WARS2: variants seen among roughly 807,000 people sequenced by gnomAD.
The protein encoded by WARS2 is tryptophanyl tRNA synthetase 2, mitochondrial, also known as tryptophan--tRNA ligase, mitochondrial.
In WARS2, 28 loss-of-function variants were observed where a neutral mutation model predicts 36.5. That is an observed-to-expected ratio of 0.77 (90% confidence interval 0.57 to 1.05). WARS2 has a LOEUF of 1.05. WARS2 is among the 50% of genes least tolerant of loss of function. The pLI is 0.00. For synonymous variants in WARS2, 174 were observed against 178.4 expected (o/e 0.98, Z 0.20); for missense variants, 435 against 456.8 (o/e 0.95, Z 0.44).
At chr1:119,064,142 G>A (rs1453679902) in intron 2 of WARS2, 2 of 152,306 alleles carry the variant, frequency 1.3e-5, no homozygotes, top group Admixed American at 6.5e-5. Flanking sequence ...ACCTGAGTGT[G>A]AGACCTGGAG....
intron 1 of WARS2, among the ~76,000 whole-genome samples, chr1:119,137,393 G>C (rs1411828495): frequency 6.6e-6 from 1 of 152,094 alleles, no homozygotes; most frequent in Admixed American, 6.6e-5. Context: ...CTTAGCGATA[G>C]TTAACAGCAA....
intron 1 of WARS2, among the ~76,000 whole-genome samples, chr1:119,111,850 G>C (rs1301133000): frequency 1.3e-5 from 2 of 152,020 alleles, no homozygotes; most frequent in Non-Finnish European, 1.5e-5. Flanking sequence ...TCCAATTTTG[G>C]GGGGCAGAAG....
intron 2 of WARS2, among the ~76,000 whole-genome samples, chr1:119,058,410 A>C (rs1381728742): frequency 1.4e-5 from 1 of 72,708 alleles, no homozygotes. Flanking sequence ...GCACCCACTA[A>C]ACTCGTCATC....
At chr1:119,133,072 G>A (rs1253671029) in intron 1 of WARS2, among the ~76,000 whole-genome samples, 2 of 152,174 alleles carry the variant, frequency 1.3e-5, no homozygotes, top group African/African-American at 4.8e-5. Flanking sequence ...TCCTCTACCT[G>A]CAGGGCTCTG....
chr1:119,047,402 G>A (rs931544135), intron 2 of WARS2: 1 of 152,090 alleles, frequency 6.6e-6, no homozygotes, highest in African/African-American at 2.4e-5. Flanking sequence ...GCTTAGCTTT[G>A]GTGATACGCA....
intron 1 of WARS2, among the ~76,000 whole-genome samples, chr1:119,100,524 A>G (rs1323717546): frequency 6.6e-6 from 1 of 152,266 alleles, no homozygotes; most frequent in Non-Finnish European, 1.5e-5. Flanking sequence ...ACAATAGCAA[A>G]GCTATGGAAT....
chr1:119,065,648 A>G (rs1341799725), intron 2 of WARS2, among the ~76,000 whole-genome samples: 1 of 151,388 alleles, frequency 6.6e-6, no homozygotes, highest in Admixed American at 6.6e-5. Context: ...AAAAAAAAAA[A>G]AAAGGAAATA....
At chr1:119,035,005 A>C (rs1360202369) in intron 4 of WARS2, among the ~76,000 whole-genome samples, 1 of 152,238 alleles carries the variant, frequency 6.6e-6, no homozygotes, top group African/African-American at 2.4e-5. Flanking sequence ...GAAAAGAACA[A>C]AGGAGACTTG....
At chr1:119,044,904 T>G (rs957094951) in intron 3 of WARS2, among the ~76,000 whole-genome samples, 1 of 152,220 alleles carries the variant, frequency 6.6e-6, no homozygotes, top group Admixed American at 6.5e-5. Context: ...CTTTATCTAT[T>G]TCTTTCTGTA....
At chr1:119,079,059 T>A (rs1055758676) in intron 1 of WARS2, among the ~76,000 whole-genome samples, 1 of 152,120 alleles carries the variant, frequency 6.6e-6, no homozygotes, top group East Asian at 1.9e-4. Flanking sequence ...TTTTTGCATA[T>A]GGTGTGAGGT....
intron 1 of WARS2, among the ~76,000 whole-genome samples, chr1:119,132,331 T>C (rs1359016458): frequency 1.3e-5 from 2 of 152,178 alleles, no homozygotes; most frequent in Non-Finnish European, 2.9e-5. Context: ...TTGCCAGCCA[T>C]GGGAAAAGCC....
intron 1 of WARS2, among the ~76,000 whole-genome samples, chr1:119,090,878 G>A (rs587746032): frequency 6.6e-6 from 1 of 152,236 alleles, no homozygotes; most frequent in South Asian, 2.1e-4. Context: ...CTGGGCAACA[G>A]AGCAAGATCC....
intron 1 of WARS2, 60 bp from the exon 2 acceptor site, chr1:119,076,667 C>G: frequency 6.3e-7 from 1 of 1,596,508 alleles, no homozygotes; most frequent in Non-Finnish European, 8.5e-7. Flanking sequence ...AATCCTATGC[C>G]CATGTTATCA....
chr1:119,040,246 G>A (rs1422923981), intron 4 of WARS2, among the ~76,000 whole-genome samples: 1 of 152,202 alleles, frequency 6.6e-6, no homozygotes, highest in East Asian at 1.9e-4. Flanking sequence ...CTTAGCTTCA[G>A]GCAAGTTGTT....
rs987422252 is a variant in WARS2 at position 119,051,921 on chromosome 1, G to T, written c.349-6259C>A. Among the ~76,000 whole-genome samples, 2 of 151,638 alleles carry T rather than the reference G, an allele frequency of 1.3e-5. 1 individual carries two copies. Among genetic ancestry groups the T allele is most frequent in the South Asian group, 4.2e-4 (2 of 4,798 alleles). On this transcript the variant is annotated intron_variant, in intron 2 of 5. Coordinates refer to ENST00000235521, the MANE Select transcript of WARS2 (RefSeq NM_015836.4). ...TTACAGATGCATGCAACTACCGCCC[G>T]GCTAATTTTTGTATTTTTAGTAGAG...
chr1:119,131,484 C>T (rs1656102555), intron 1 of WARS2, among the ~76,000 whole-genome samples: 1 of 129,624 alleles, frequency 7.7e-6, no homozygotes. Flanking sequence ...TTTTTTGAGA[C>T]GTAGTCTCAC....
intron 2 of WARS2, among the ~76,000 whole-genome samples, chr1:119,046,331 G>A (rs1004561420): frequency 2.8e-5 from 3 of 105,634 alleles, no homozygotes; most frequent in Admixed American, 1.2e-4. Flanking sequence ...TAATCAGCAA[G>A]AAAATATAAA....
chr1:119,130,143 GAA>G (rs11325404), intron 1 of WARS2, among the ~76,000 whole-genome samples: 2 of 143,622 alleles, frequency 1.4e-5, no homozygotes, highest in South Asian at 2.2e-4. Context: ...GGGTAAATGA[GAA>G]AAAAAAAAAG....
At chr1:119,138,881 A>G (rs1272763456) in intron 1 of WARS2, among the ~76,000 whole-genome samples, 1 of 152,238 alleles carries the variant, frequency 6.6e-6, no homozygotes, top group African/African-American at 2.4e-5. Context: ...AGCCCTATTC[A>G]TAAATGCCAC....
Sources: gnomAD v4.1 joint callset for allele counts (sites outside exome capture counted in the v4.1 genomes callset) on GRCh38, gnomAD v4.1.1 for gene constraint, MANE v1.5 for transcripts, NCBI Gene and HGNC (gene_info 2026-07-23, HGNC 2026-07-21) for gene names.